C4orf51: variants seen among roughly 807,000 people sequenced by gnomAD.
C4orf51 encodes the protein chromosome 4 open reading frame 51.
Under a neutral mutation model 25.2 loss-of-function variants are expected in C4orf51, and 25 were observed. That is an observed-to-expected ratio of 0.99 (90% CI 0.72 to 1.39). C4orf51 has a LOEUF of 1.39. Among genes scored for constraint, C4orf51 ranks in the 40% most tolerant of loss-of-function variants. The pLI is 0.00. For synonymous variants in C4orf51, 100 were observed against 84.5 expected, an observed-to-expected ratio of 1.18 and a Z score of -1.01; for missense variants, 252 against 239.6, an observed-to-expected ratio of 1.05 and a Z score of -0.34.
chr4:145,783,170 A>T, the C4orf51 span, among the ~76,000 whole-genome samples: 1 of 152,274 alleles, frequency 6.6e-6, no homozygotes, highest in African/African-American at 2.4e-5. Context: ...CCTGGGGTAA[A>T]GGTTTTGCAT....
At chr4:145,690,193 G>A (rs969736056) in intron 1 of C4orf51, among the ~76,000 whole-genome samples, 3 of 142,368 alleles carry the variant, frequency 2.1e-5, no homozygotes, top group Non-Finnish European at 4.6e-5. Context: ...GGCAACAAGA[G>A]CAAACCTCCG....
At chr4:145,749,869 C>A (rs1733575824) in intron 1 of C4orf51, among the ~76,000 whole-genome samples, 1 of 152,078 alleles carries the variant, frequency 6.6e-6, no homozygotes, top group African/African-American at 2.4e-5. Context: ...CTCCTGACCT[C>A]ATGATCTGCC....
intron 1 of C4orf51, chr4:145,759,493 A>C (rs1469913110): frequency 6.6e-6 from 1 of 152,200 alleles, no homozygotes; most frequent in Non-Finnish European, 1.5e-5. Context: ...AATTACTAAT[A>C]ACATGGAGGA....
At chr4:145,707,792 C>G (rs765560095) in intron 2 of C4orf51, among the ~76,000 whole-genome samples, 5 of 152,150 alleles carry the variant, frequency 3.3e-5, no homozygotes, top group Non-Finnish European at 7.3e-5. Context: ...GAGATTAGCA[C>G]AGAGTAGGCA....
At chr4:145,709,420 GGGTTGGAAGTCATCCAAGTT>G (rs1424464557) in intron 2 of C4orf51, among the ~76,000 whole-genome samples, 2 of 152,222 alleles carry the variant, frequency 1.3e-5, no homozygotes, top group Admixed American at 6.5e-5. Flanking sequence ...GACAGGGAAA[GGGTTGGAAGTCATCCAAGTT>G]GGTAGGGTAA....
chr4:145,766,606 A>G lies in C4orf51; in HGVS notation n.167-4382A>G, dbSNP rs529805010. ...TTTGCAGGACGGAGTATCAGAGAGG[A>G]AGGGGCAGCACAGAAGAACAACCCC... On this transcript the variant is annotated intron_variant and non_coding_transcript_variant, in intron 1 of 1. Transcript: ENST00000510096. 4.5e-4 allele frequency among the ~76,000 whole-genome samples: 68 copies of G among 152,280 alleles called. No individual in the cohort carries two copies. In the South Asian group the frequency reaches 0.014, roughly 31 times the overall value.
intron 1 of C4orf51, among the ~76,000 whole-genome samples, chr4:145,750,223 G>A (rs2126808779): frequency 6.6e-6 from 1 of 151,934 alleles, no homozygotes; most frequent in Admixed American, 6.6e-5. Context: ...AGTGAGTTTT[G>A]TACCTTCAGA....
rs115821972 is a variant in C4orf51, at chr4:145,759,604, A to G, written n.167-11384A>G. 104 of 152,280 alleles carry G rather than the reference A, an allele frequency of 6.8e-4. 2 individuals are homozygous for G. Among genetic ancestry groups the G allele is most frequent in the African/African-American group, 2.4e-3 (99 of 41,546 alleles). The allele number at this position is 152,280 out of a possible 1,614,324, so 9.4% of individuals were successfully genotyped here. A position where few individuals can be genotyped will look rare whatever the true frequency, so the allele number is the denominator to read the frequency against. ...CAGCACCTTTTTGTTGCGTCATTAT[A>G]TGTCAAAGAGGTTGTGGCTAAATCT... On this transcript the variant is annotated intron_variant and non_coding_transcript_variant, in intron 1 of 1. Transcript: ENST00000510096.
At chr4:145,698,957 A>G (rs1730253277) in intron 2 of C4orf51, among the ~76,000 whole-genome samples, 1 of 152,002 alleles carries the variant, frequency 6.6e-6, no homozygotes. Context: ...ATGACATTCC[A>G]CCACAAAAAG....
rs534210874 is a variant in C4orf51 at position 145,699,644 on chromosome 4, G to A, written c.307+3012G>A. 3.9e-5 allele frequency among the ~76,000 whole-genome samples: 6 copies of A among 152,310 alleles called. No individual in the cohort carries two copies. The South Asian group carries it at 1.2e-3, about 32-fold the overall frequency. On this transcript the variant is annotated intron_variant, in intron 2 of 5. Coordinates refer to ENST00000438731, the MANE Select transcript of C4orf51 (RefSeq NM_001080531.3). ...TTCCCTTGGTGTTTAATCATTGCAG[G>A]GATGCCTCTCTGATTATCTACCCAC...
chr4:145,757,880 C>G (rs1187272104), downstream of C4orf51: 1 of 152,038 alleles, frequency 6.6e-6, no homozygotes, highest in African/African-American at 2.4e-5. Context: ...TGCTGAGAAC[C>G]CTAACTGCAT....
intron 1 of C4orf51, among the ~76,000 whole-genome samples, chr4:145,692,066 T>C (rs1349477419): frequency 7.7e-6 from 1 of 130,646 alleles, no homozygotes; most frequent in African/African-American, 3.1e-5. Flanking sequence ...ACCTAGCAAT[T>C]CTACTCCAAG....
downstream of C4orf51, among the ~76,000 whole-genome samples, chr4:145,771,745 G>A (rs1372239227): frequency 6.6e-6 from 1 of 152,200 alleles, no homozygotes; most frequent in African/African-American, 2.4e-5. Flanking sequence ...CATGGGTTCT[G>A]TAGGAGACTA....
At chr4:145,699,038 T>C (rs1730259729) in intron 2 of C4orf51, among the ~76,000 whole-genome samples, 1 of 151,656 alleles carries the variant, frequency 6.6e-6, no homozygotes, top group Admixed American at 6.6e-5. Context: ...TGGCTCATTC[T>C]GGCTCAAATA....
chr4:145,733,559 C>T (rs1335674167), downstream of C4orf51, among the ~76,000 whole-genome samples: 2 of 152,236 alleles, frequency 1.3e-5, no homozygotes, highest in African/African-American at 4.8e-5. Context: ...CCCACACCCC[C>T]TTCCGTTTAC....
At chr4:145,777,304 T>C in the C4orf51 span, among the ~76,000 whole-genome samples, 1 of 152,244 alleles carries the variant, frequency 6.6e-6, no homozygotes, top group Admixed American at 6.5e-5. Flanking sequence ...GCATCCTCCA[T>C]AAAGTGAAAC....
At chr4:145,687,493 G>T (rs1729240961) in intron 1 of C4orf51, among the ~76,000 whole-genome samples, 2 of 152,140 alleles carry the variant, frequency 1.3e-5, no homozygotes, top group Non-Finnish European at 1.5e-5. Flanking sequence ...AATTTTCAGG[G>T]TTCACATCTC....
intron 2 of C4orf51, among the ~76,000 whole-genome samples, chr4:145,707,930 GCCATCA>G (rs1730912975): frequency 6.6e-6 from 1 of 152,220 alleles, no homozygotes; most frequent in Admixed American, 6.5e-5. Context: ...TCAGCTCAAG[GCCATCA>G]GGAGTTGGGA....
At chr4:145,704,385 C>T (rs1730662332) in intron 2 of C4orf51, among the ~76,000 whole-genome samples, 1 of 152,210 alleles carries the variant, frequency 6.6e-6, no homozygotes, top group African/African-American at 2.4e-5. Context: ...AGAATAGCTT[C>T]ACAAGGCCAC....
Sources: allele counts gnomAD v4.1 joint callset (sites outside exome capture counted in the v4.1 genomes callset), GRCh38; gene constraint gnomAD v4.1.1; transcripts MANE v1.5; gene names NCBI Gene and HGNC (gene_info 2026-07-23, HGNC 2026-07-21).